Variants in KIAA1217 observed in about 807,000 individuals in gnomAD.
KIAA1217 encodes the protein KIAA1217.
In KIAA1217, 88 loss-of-function variants were observed where a neutral mutation model predicts 163.9. The ratio of observed to expected loss-of-function variants is 0.54; its 90% CI spans 0.45 to 0.64. The LOEUF (loss-of-function observed/expected upper bound fraction) is 0.64. Among genes scored for constraint, KIAA1217 ranks in the 30% least tolerant of loss-of-function variants. The probability of loss-of-function intolerance (pLI) is 0.00; values close to 1 mark genes in which losing one functional copy is unlikely to be tolerated. For missense variants in KIAA1217, 2,372 were observed against 2,475.0 expected, an observed-to-expected ratio of 0.96 and a Z score of 0.88; for synonymous variants, 903 against 923.1, an observed-to-expected ratio of 0.98 and a Z score of 0.39.
At chr10:24,288,737 G>A (rs1447647444) in intron 2 of KIAA1217, among the ~76,000 whole-genome samples, 1 of 152,204 alleles carries the variant, frequency 6.6e-6, no homozygotes, top group African/African-American at 2.4e-5. Flanking sequence ...AAGAGATCAT[G>A]GTATGTCCTG....
Position 24,188,583 on chromosome 10 carries a change from G to C in KIAA1217, c.-170-31043G>C, listed in dbSNP as rs77311186. On this transcript the variant is annotated intron_variant, in intron 2 of 18. Coordinates refer to the KIAA1217 transcript ENST00000376462. The stretch of plus-strand genomic sequence containing the variant: ...TCTCTGCAGTATTCAATAGGCTGCT[G>C]CCTATTTCAGTTTATTCTTGGTGTT... Among the ~76,000 whole-genome samples the C allele has an allele frequency of 3.0e-3, 460 of 152,330 alleles. 3 individuals carry two copies. Among genetic ancestry groups the C allele is most frequent in the African/African-American group, 0.011 (448 of 41,584 alleles).
chr10:23,986,994 A>G (rs919084645), intron 1 of KIAA1217, among the ~76,000 whole-genome samples: 1 of 152,176 alleles, frequency 6.6e-6, no homozygotes, highest in African/African-American at 2.4e-5. Flanking sequence ...TTCCACAAGA[A>G]TACTTAAAAG....
At position 23,789,917 on chromosome 10, in the gene KIAA1217, A is replaced by C. The variant is rs909416253; in HGVS notation, c.-321+94683A>C. ...ATATGATATATACATATACATATGC[A>C]TATACATGTATATATACACATATAC... On this transcript the variant is annotated intron_variant, in intron 1 of 18. Transcript: ENST00000376462. Among the ~76,000 whole-genome samples the C allele has an allele frequency of 5.1e-5, 7 of 136,370 alleles. 1 individual carries two copies. The highest frequency in any genetic ancestry group is 2.9e-4 in the Admixed American group (4 of 13,572). The allele number at this position is 136,370 out of a possible 152,430, so 89.5% of individuals were successfully genotyped here. A position where few individuals can be genotyped will look rare whatever the true frequency, so the allele number is the denominator to read the frequency against.
chr10:24,364,769 TCTTTCTTTTTTCTTC>T (rs1443651995), intron 2 of KIAA1217, among the ~76,000 whole-genome samples: 1 of 151,926 alleles, frequency 6.6e-6, no homozygotes, highest in African/African-American at 2.4e-5. Flanking sequence ...TTCCTTTCTT[TCTTTCTTTTTTCTTC>T]CTTTCTTTTT....
At chr10:24,511,172 A>AAAAAAAAAAAAAAAAAAAAAAG (rs1554918365) in intron 9 of KIAA1217, among the ~76,000 whole-genome samples, 5 of 115,682 alleles carry the variant, frequency 4.3e-5, no homozygotes, top group African/African-American at 1.5e-4. Context: ...AAAAAAAAAA[A>AAAAAAAAAAAAAAAAAAAAAAG]AGGAGCCTGG....
intron 2 of KIAA1217, among the ~76,000 whole-genome samples, chr10:24,343,646 A>G (rs1391576208): frequency 6.6e-6 from 1 of 152,234 alleles, no homozygotes; most frequent in African/African-American, 2.4e-5. Context: ...GTATTTTTAG[A>G]AAGAACTTCC....
At position 23,790,416 on chromosome 10, in the gene KIAA1217, TATATACATATATAC is replaced by T. The variant is rs1402267584; in HGVS notation, c.-321+95202_-321+95215del. On this transcript the variant is annotated intron_variant, in intron 1 of 18. Transcript: ENST00000376462. ...GTATATATACATATATACATATACA[TATATACATATATAC>T]ATATACATATATACATATATACATG... 1.4e-4 allele frequency among the ~76,000 whole-genome samples: 11 copies of T among 79,936 alleles called. 1 individual carries two copies. Among genetic ancestry groups the T allele is most frequent in the South Asian group, 4.6e-4 (1 of 2,190 alleles). 52.4% of individuals were successfully genotyped at this position (79,936 alleles called of 152,430 possible). A position where few individuals can be genotyped will look rare whatever the true frequency, so the allele number is the denominator to read the frequency against.
chr10:24,201,926 C>T (rs2067279098), intron 2 of KIAA1217, among the ~76,000 whole-genome samples: 1 of 95,570 alleles, frequency 1.0e-5, no homozygotes, highest in Admixed American at 9.5e-5. Flanking sequence ...TCCTGATCAC[C>T]CCTGATCCTC....
chr10:23,804,853 A>G (rs1836660502), intron 1 of KIAA1217, among the ~76,000 whole-genome samples: 1 of 152,208 alleles, frequency 6.6e-6, no homozygotes, highest in Non-Finnish European at 1.5e-5. Flanking sequence ...ACACCTTAAT[A>G]TGCACTCAAT....
At chr10:24,460,164 G>A (rs1014147283) in intron 5 of KIAA1217, among the ~76,000 whole-genome samples, 12 of 152,088 alleles carry the variant, frequency 7.9e-5, no homozygotes, top group African/African-American at 2.9e-4. Flanking sequence ...GGTTTTCAAA[G>A]CTATACTCAT....
intron 2 of KIAA1217, among the ~76,000 whole-genome samples, chr10:24,102,616 A>G (rs1305839430): frequency 6.6e-6 from 1 of 152,218 alleles, no homozygotes; most frequent in Non-Finnish European, 1.5e-5. Context: ...AAGTCGAAGG[A>G]CTGACATTCC....
chr10:23,851,286 A>G (rs1161515686), intron 1 of KIAA1217, among the ~76,000 whole-genome samples: 1 of 152,078 alleles, frequency 6.6e-6, no homozygotes, highest in African/African-American at 2.4e-5. Context: ...TCCTTGCGAT[A>G]GTTTACTGAG....
Position 24,348,291 on chromosome 10 carries a change from T to G in KIAA1217, c.355-32578T>G, listed in dbSNP as rs1367913665. On this transcript the variant is annotated intron_variant, in intron 2 of 20. Coordinates refer to ENST00000376454, the MANE Select transcript of KIAA1217 (RefSeq NM_019590.5). ...AGGCAGAAGTTGCAGTGAGCCAAGA[T>G]CACACCACTGCACTCTAGCCTGGGT... Among the ~76,000 whole-genome samples, 6 of 151,964 alleles carry G rather than the reference T, an allele frequency of 3.9e-5. No individual in the cohort carries two copies. In the East Asian group the frequency reaches 1.2e-3, roughly 29 times the overall value.
chr10:23,824,747 AG>A (rs1369993767), intron 1 of KIAA1217, among the ~76,000 whole-genome samples: 2 of 148,376 alleles, frequency 1.3e-5, no homozygotes, highest in East Asian at 4.0e-4. Context: ...GAAAGTGTAG[AG>A]GGCTTTAAAG....
rs545515655 is a variant in KIAA1217, at chr10:23,970,827, G to A, written c.-320-36398G>A. 7.2e-5 allele frequency among the ~76,000 whole-genome samples: 11 copies of A among 152,280 alleles called. No individual in the cohort carries two copies. In the South Asian group the frequency reaches 8.3e-4, roughly 11 times the overall value. On this transcript the variant is annotated intron_variant, in intron 1 of 18. Transcript: ENST00000376462. The stretch of plus-strand genomic sequence containing the variant: ...TAGGTGGCTGGACATACCTCATTTC[G>A]TCAGCAGCGGTAAGTCTGTACAGGT...
chr10:24,478,668 G>GGA (rs1215683130), intron 6 of KIAA1217, among the ~76,000 whole-genome samples: 3 of 152,164 alleles, frequency 2.0e-5, no homozygotes. Context: ...GACTGCCCAA[G>GGA]GAGACCATGT....
intron 5 of KIAA1217, 73 bp downstream of exon 5, chr10:24,438,552 TG>T: frequency 2.0e-6 from 2 of 989,618 alleles, no homozygotes; most frequent in Non-Finnish European, 3.3e-6. Context: ...GTACTCCTGA[TG>T]TAATCAGAAC....
chr10:24,534,774 G>A (rs188695935), intron 16 of KIAA1217, among the ~76,000 whole-genome samples: 4 of 151,580 alleles, frequency 2.6e-5, no homozygotes, highest in Admixed American at 1.3e-4. Context: ...CCAGCTACTC[G>A]GGAGGCTGAG....
intron 3 of KIAA1217, among the ~76,000 whole-genome samples, chr10:24,396,973 A>G (rs1378177612): frequency 6.6e-6 from 1 of 152,178 alleles, no homozygotes; most frequent in Non-Finnish European, 1.5e-5. Flanking sequence ...GCAATAATCC[A>G]GGAAGATGGG....
Sources: gnomAD v4.1 joint callset for allele counts (sites outside exome capture counted in the v4.1 genomes callset) on GRCh38, gnomAD v4.1.1 for gene constraint, MANE v1.5 for transcripts, NCBI Gene and HGNC (gene_info 2026-07-23, HGNC 2026-07-21) for gene names.